The following AQP7 variants were observed in gnomAD, a reference collection of about 807,000 sequenced individuals.
The protein encoded by AQP7 is aquaporin 7, also known as aquaporin-7.
A neutral mutation model predicts 26.1 loss-of-function variants in AQP7; 22 were observed. The observed-to-expected ratio is 0.84, with a 90% CI of 0.60 to 1.20. AQP7 has a LOEUF of 1.20. Among genes scored for constraint, AQP7 ranks in the 50% most tolerant of loss-of-function variants. The pLI, the probability that AQP7 is intolerant of heterozygous loss-of-function variation, is 0.00. For missense variants in AQP7, 412 were observed against 457.5 expected (o/e 0.90, Z 0.91); for synonymous variants, 167 against 181.7 (o/e 0.92, Z 0.65).
chr9:33,384,950 T>TA lies in AQP7; in HGVS notation c.*54_*55insT. The stretch of plus-strand genomic sequence containing the variant: ...GGCCCCCAGGAAGTGGGGGTACTGC[T>TA]GTCGGACAAGCCTTGCTTTATTGGG... On this transcript the variant is annotated 3_prime_UTR_variant, in exon 8 of 8. Coordinates refer to ENST00000297988, the MANE Select transcript of AQP7 (RefSeq NM_001170.3). The TA allele has an allele frequency of 1.3e-6, 2 of 1,546,944 alleles. No individual in the cohort carries two copies. The highest frequency in any genetic ancestry group is 8.8e-7 in the Non-Finnish European group (1 of 1,141,670).
At chr9:33,400,238 A>G (rs1289422610) in intron 2 of AQP7, among the ~76,000 whole-genome samples, 2 of 152,180 alleles carry the variant, frequency 1.3e-5, no homozygotes, top group Non-Finnish European at 2.9e-5. Context: ...AAGTAAGTAC[A>G]TTTGTATAAG....
Position 33,395,155 on chromosome 9 carries a change from C to T in AQP7, c.67G>A (p.Ala23Thr). ...GSKMVSWSVI[A>T]KIQEILQRKM... ...CTCTGCAGTATTTCCTGGATCTTTG[C>T]TATCACGGACCAGGAGACCATTTTG... is the stretch of plus-strand genomic sequence containing the variant. Residue 23 changes from alanine (A) to threonine (T), a missense_variant, in exon 3 of 8, where the codon GCA becomes ACA. Transcript: ENST00000297988. 1 of 1,613,994 alleles carries T rather than the reference C, an allele frequency of 6.2e-7. No individual in the cohort carries two copies. The highest frequency in any genetic ancestry group is 1.7e-5 in the Admixed American group (1 of 60,022).
intron 3 of AQP7, among the ~76,000 whole-genome samples, chr9:33,392,346 C>T (rs1321918815): frequency 1.3e-5 from 2 of 151,504 alleles, no homozygotes; most frequent in Non-Finnish European, 2.9e-5. Flanking sequence ...TGGATTTAAT[C>T]TTGACTTACA....
intron 2 of AQP7, among the ~76,000 whole-genome samples, chr9:33,398,096 G>C (rs566326867): frequency 2.0e-5 from 3 of 152,182 alleles, no homozygotes; most frequent in East Asian, 1.9e-4. Flanking sequence ...CCTAGAGGAG[G>C]GGGTAGGAGG....
chr9:33,384,840 T>G lies in AQP7; in HGVS notation c.*165A>C. 1.3e-6 allele frequency: 1 copy of G among 790,344 alleles called. No individual in the cohort carries two copies. The highest frequency in any genetic ancestry group is 2.0e-6 in the Non-Finnish European group (1 of 496,352). 49.0% of individuals were successfully genotyped at this position (790,344 alleles called of 1,614,324 possible). On this transcript the variant is annotated 3_prime_UTR_variant, in exon 8 of 8. Transcript: ENST00000297988. ...CCCCAGTTCCCAGGGCATGAAAGAC[T>G]TGAGGTGCCTCACCTCTACACCTTG... is the stretch of plus-strand genomic sequence containing the variant.
intron 3 of AQP7, chr9:33,391,453 C>CA (rs1341055277): frequency 3.2e-6 from 1 of 317,070 alleles, no homozygotes; most frequent in Non-Finnish European, 7.0e-6. Context: ...CCCCGTGTCT[C>CA]ACGTGTATGG....
chr9:33,401,180 A>G, intron 2 of AQP7, 57 bp downstream of exon 2: 2 of 1,533,542 alleles, frequency 1.3e-6, no homozygotes, highest in South Asian at 2.4e-5. Context: ...GAGGGCACTG[A>G]AGTGGGCTGG....
rs1337201832 is a variant in AQP7, at chr9:33,395,833, G to A, written c.27-638C>T. On this transcript the variant is annotated intron_variant, in intron 2 of 7. Transcript: ENST00000297988. ...TGAGTGAATGAATGAATGACCAAGAGAGAGGGAGGGAGAAAAGGAAGGACT... is the reference window on the plus strand; with the variant it reads ...TGAGTGAATGAATGAATGACCAAGAAAGAGGGAGGGAGAAAAGGAAGGACT... 5.9e-5 allele frequency among the ~76,000 whole-genome samples: 9 copies of A among 152,220 alleles called. No homozygotes were observed. In the East Asian group the frequency reaches 1.3e-3, roughly 23 times the overall value.
intron 1 of AQP7, 81 bp from the exon 2 acceptor site, chr9:33,401,368 G>A: frequency 8.0e-7 from 1 of 1,253,006 alleles, no homozygotes. Context: ...GGTCCCCAGG[G>A]GAGAAGCCCT....
At position 33,386,413 on chromosome 9, in the gene AQP7, G is replaced by A; in HGVS notation, c.397C>T (p.Leu133Phe). The change falls in exon 5 of 8, where the codon CTC (leucine) becomes TTC (phenylalanine). Residue 133 changes from leucine (L) to phenylalanine (F), a missense_variant. Coordinates refer to ENST00000297988, the MANE Select transcript of AQP7 (RefSeq NM_001170.3). ...SFLAAATIYSLFYTAILHFSG... is the reference protein window; with the variant it reads ...SFLAAATIYSFFYTAILHFSG... ...CGGGCAGGATACTCACTGTAGAAGAGACTGTAGATGGTGGCAGCCGCCAGG... is the reference window on the plus strand; with the variant it reads ...CGGGCAGGATACTCACTGTAGAAGAAACTGTAGATGGTGGCAGCCGCCAGG... 6.2e-7 allele frequency: 1 copy of A among 1,610,810 alleles called. No homozygotes were observed. Among genetic ancestry groups the A allele is most frequent in the Non-Finnish European group, 8.5e-7 (1 of 1,178,876 alleles).
intron 1 of AQP7, 54 bp downstream of exon 1, chr9:33,402,319 A>T (rs1239597079): frequency 6.6e-6 from 1 of 152,344 alleles, no homozygotes; most frequent in African/African-American, 2.4e-5. Context: ...GCCCTTCCAG[A>T]TCTGGGCGCT....
intron 3 of AQP7, among the ~76,000 whole-genome samples, chr9:33,394,744 T>C (rs1825707193): frequency 6.6e-6 from 1 of 152,090 alleles, no homozygotes. Context: ...GTGATCCACC[T>C]GCCTAAGCCT....
chr9:33,385,147 T>C lies in AQP7; in HGVS notation c.887A>G (p.His296Arg), dbSNP rs376205588. 9.9e-5 allele frequency: 159 copies of C among 1,611,924 alleles called. No homozygotes were observed. The highest frequency in any genetic ancestry group is 2.7e-4 in the Admixed American group (16 of 60,012). ...CATCTTGGGCAATACGGTTATCCCG[T>C]GGTCTTCATACGCCACAGAATCCTC... ...KLEDSVAYED[H>R]GITVLPKMGS... The change falls in exon 8 of 8, where the codon CAC becomes CGC. Residue 296 changes from histidine (H) to arginine (R), a missense_variant. Coordinates refer to ENST00000297988, the MANE Select transcript of AQP7 (RefSeq NM_001170.3).
chr9:33,385,837 A>T lies in AQP7; in HGVS notation c.555T>A (p.Cys185Ter), dbSNP rs374335960. The change falls in exon 7 of 8, where the codon TGT (cysteine) becomes TGA (stop). Residue 185 changes from cysteine to a stop codon, truncating the protein, a stop_gained. Coordinates refer to ENST00000297988, the MANE Select transcript of AQP7 (RefSeq NM_001170.3). LOFTEE classifies it high-confidence loss of function. Reference sequence around the variant, plus strand: ...TCTCCTGGTCCGTGATGGCGAAGAGACACAGCTGGAGCATCCCGGTCAGCC... The same window carrying T: ...TCTCCTGGTCCGTGATGGCGAAGAGTCACAGCTGGAGCATCCCGGTCAGCC... The part of the protein sequence containing the change: ...EAWLTGMLQL[C>*]LFAITDQENN... The T allele has an allele frequency of 4.7e-5, 76 of 1,611,462 alleles. No individual in the cohort carries two copies. Among genetic ancestry groups the T allele is most frequent in the Non-Finnish European group, 6.3e-5 (74 of 1,179,328 alleles).
In AQP7 at chr9:33,399,914, A is replaced by G. The variant is rs78416234; in HGVS notation, c.26+1323T>C. Among the ~76,000 whole-genome samples the G allele has an allele frequency of 1.4e-3, 214 of 152,172 alleles. 2 individuals are homozygous for G. In the East Asian group the frequency reaches 0.019, roughly 14 times the overall value. ...TAGGAGATTGGTGACTGGATGTGAG[A>G]CATGGGGGAGAGGGAAGTATGAAGG... On this transcript the variant is annotated intron_variant, in intron 2 of 7. Coordinates refer to ENST00000297988, the MANE Select transcript of AQP7 (RefSeq NM_001170.3).
chr9:33,400,818 A>C (rs1316562360), intron 2 of AQP7, among the ~76,000 whole-genome samples: 2 of 151,832 alleles, frequency 1.3e-5, no homozygotes, highest in African/African-American at 2.4e-5. Context: ...AAAAAAAAAA[A>C]ACCTGAAAAG....
intron 2 of AQP7, among the ~76,000 whole-genome samples, chr9:33,398,152 G>A (rs1468580190): frequency 1.3e-5 from 2 of 151,794 alleles, no homozygotes; most frequent in African/African-American, 4.8e-5. Flanking sequence ...AGGCTGGAGG[G>A]TAAAGGAGCC....
At chr9:33,389,562 G>A (rs904434357) in intron 3 of AQP7, among the ~76,000 whole-genome samples, 10 of 152,126 alleles carry the variant, frequency 6.6e-5, no homozygotes, top group Non-Finnish European at 1.5e-4. Flanking sequence ...TTCACCTGTT[G>A]CTTTTTACCT....
Position 33,385,239 on chromosome 9 carries a change from G to A in AQP7, c.795C>T (p.Ala265=). 6.2e-7 allele frequency: 1 copy of A among 1,611,822 alleles called. No individual in the cohort carries two copies. Among genetic ancestry groups the A allele is most frequent in the Non-Finnish European group, 8.5e-7 (1 of 1,179,824 alleles). The change falls in exon 8 of 8, where the codon GCC becomes GCT. Residue 265 remains alanine, a synonymous_variant. Transcript: ENST00000297988. ...WVPVVAPLLG[A]YLGGIIYLVF... is the part of the protein sequence containing the mutation. Reference sequence around the variant, plus strand: ...CCAGGTAGATGATGCCACCTAGATAGGCACCCAGAAGTGGTGCCACCACTG... The same window carrying A: ...CCAGGTAGATGATGCCACCTAGATAAGCACCCAGAAGTGGTGCCACCACTG...
Sources: gnomAD v4.1 joint callset for allele counts (sites outside exome capture counted in the v4.1 genomes callset) on GRCh38, gnomAD v4.1.1 for gene constraint, MANE v1.5 for transcripts, NCBI Gene and HGNC (gene_info 2026-07-23, HGNC 2026-07-21) for gene names.